Variants in FMNL2 observed in about 807,000 individuals in gnomAD.
FMNL2 encodes formin-like protein 2.
In FMNL2, 51 loss-of-function variants were observed where a neutral mutation model predicts 130.2. The observed-to-expected ratio is 0.39, with a 90% CI of 0.31 to 0.49. The LOEUF (loss-of-function observed/expected upper bound fraction) is 0.49, where lower values mean the gene tolerates loss of function less well. Among genes scored for constraint, FMNL2 ranks in the 20% least tolerant of loss-of-function variants. The pLI is 0.85. For missense variants in FMNL2, 977 were observed against 1,316.2 expected (o/e 0.74, Z 3.99); for synonymous variants, 465 against 467.1 (o/e 1.00, Z 0.06).
chr2:152,359,079 C>T lies in FMNL2; in HGVS notation c.117+23359C>T, dbSNP rs150767025. 2.9e-4 allele frequency among the ~76,000 whole-genome samples: 44 copies of T among 152,220 alleles called. 1 individual carries two copies. In the East Asian group the frequency reaches 3.7e-3, roughly 13 times the overall value. ...GATGTGAGTACTAACAGTGAGCTGCCATCTAGGAGCTTACAGTGTATTTCC... is the reference window on the plus strand; with the variant it reads ...GATGTGAGTACTAACAGTGAGCTGCTATCTAGGAGCTTACAGTGTATTTCC... On this transcript the variant is annotated intron_variant, in intron 1 of 25. Transcript: ENST00000288670.
At chr2:152,472,540 C>T (rs1246264548) in intron 1 of FMNL2, among the ~76,000 whole-genome samples, 1 of 152,186 alleles carries the variant, frequency 6.6e-6, no homozygotes, top group African/African-American at 2.4e-5. Flanking sequence ...TACAAACATC[C>T]TAATGCTTTG....
At chr2:152,459,866 G>C (rs1173267270) in intron 1 of FMNL2, among the ~76,000 whole-genome samples, 2 of 152,192 alleles carry the variant, frequency 1.3e-5, no homozygotes, top group Non-Finnish European at 2.9e-5. Context: ...AAAAACCCCA[G>C]ATGTTTCTGT....
At chr2:152,434,133 T>G (rs1207525501) in intron 1 of FMNL2, among the ~76,000 whole-genome samples, 1 of 152,196 alleles carries the variant, frequency 6.6e-6, no homozygotes, top group Non-Finnish European at 1.5e-5. Context: ...ACTCTTCAAA[T>G]TATTGAAAGT....
chr2:152,614,757 C>CAAAACAAAACAAAACAA, intron 11 of FMNL2, 94 bp from the exon 12 acceptor site: 2 of 1,393,530 alleles, frequency 1.4e-6, no homozygotes, highest in Non-Finnish European at 1.9e-6. Flanking sequence ...CAAAACAAAA[C>CAAAACAAAACAAAACAA]AAAACAAAAA....
At chr2:152,522,550 T>C (rs77769379) in intron 2 of FMNL2, among the ~76,000 whole-genome samples, 2 of 152,128 alleles carry the variant, frequency 1.3e-5, no homozygotes, top group East Asian at 1.9e-4. Context: ...TGGGAGGTAA[T>C]TGAATTATGG....
intron 1 of FMNL2, among the ~76,000 whole-genome samples, chr2:152,492,894 A>G (rs1412053233): frequency 1.3e-5 from 2 of 151,850 alleles, no homozygotes; most frequent in Non-Finnish European, 2.9e-5. Flanking sequence ...TTTTTCTTCT[A>G]TGTCACCTTG....
At chr2:152,417,945 A>G (rs1473030023) in intron 1 of FMNL2, among the ~76,000 whole-genome samples, 1 of 152,162 alleles carries the variant, frequency 6.6e-6, no homozygotes, top group East Asian at 1.9e-4. Flanking sequence ...TTCTGGGTTT[A>G]AGCAATTCTC....
intron 1 of FMNL2, among the ~76,000 whole-genome samples, chr2:152,434,684 C>G (rs1687660433): frequency 1.3e-5 from 2 of 151,788 alleles, no homozygotes; most frequent in African/African-American, 4.8e-5. Flanking sequence ...CCTGCTTGCC[C>G]CAGAGGGCTG....
chr2:152,609,726 A>G lies in FMNL2; in HGVS notation c.952-1769A>G, dbSNP rs150903020. Among the ~76,000 whole-genome samples the G allele has an allele frequency of 5.3e-5, 8 of 152,272 alleles. No individual in the cohort carries two copies. In the East Asian group the frequency reaches 1.5e-3, roughly 29 times the overall value. On this transcript the variant is annotated intron_variant, in intron 10 of 25. Coordinates refer to ENST00000288670, the MANE Select transcript of FMNL2 (RefSeq NM_052905.4). ...CATCTTCCAAAGATATCCAATGTAT[A>G]CCATATCTTCAAAGAAGAATCTAAC...
chr2:152,551,976 T>G (rs1253845748), intron 4 of FMNL2, among the ~76,000 whole-genome samples: 2 of 152,214 alleles, frequency 1.3e-5, no homozygotes, highest in Non-Finnish European at 2.9e-5. Context: ...ACTCTCTGAG[T>G]AACAGAGTGA....
chr2:152,403,444 G>T (rs1489984995), intron 1 of FMNL2, among the ~76,000 whole-genome samples: 1 of 152,010 alleles, frequency 6.6e-6, no homozygotes, highest in Non-Finnish European at 1.5e-5. Flanking sequence ...ACTCATGGAT[G>T]TTTTTATCCT....
In FMNL2 at chr2:152,619,075, G is replaced by T; in HGVS notation, c.1544G>T (p.Gly515Val). 5 of 1,613,370 alleles carry T rather than the reference G, an allele frequency of 3.1e-6. No homozygotes were observed. The South Asian group carries it at 5.5e-5, about 18-fold the overall frequency. The change falls in exon 14 of 26, where the codon GGA becomes GTA. Residue 515 changes from glycine (G) to valine (V), a missense_variant. This residue lies in a region of FMNL2 where 689 missense variants were observed against 995.9 expected (regional missense o/e 0.69). Transcript: ENST00000288670. ...GAAGTGGTAGCAGGTAACTCTGTGG[G>T]ACCCACAATGGGGGCCGCTTCCTCA... ...GSEVVAGNSVGPTMGAASSGP... is the reference protein window; with the variant it reads ...GSEVVAGNSVVPTMGAASSGP...
At chr2:152,558,886 G>T in intron 5 of FMNL2, 63 bp downstream of exon 5, 1 of 1,419,882 alleles carries the variant, frequency 7.0e-7, no homozygotes. Flanking sequence ...GCTACTCAGT[G>T]GTAAAATTAT....
At position 152,526,948 on chromosome 2, in the gene FMNL2, T is replaced by A. The variant is rs185689924; in HGVS notation, c.201+4922T>A. On this transcript the variant is annotated intron_variant, in intron 2 of 25. Transcript: ENST00000288670. ...TGTTGTCCAGTTTATTGTTCTCAATTTTCCTTAAGATGTTCTTCCTATCTA... is the reference window on the plus strand; with the variant it reads ...TGTTGTCCAGTTTATTGTTCTCAATATTCCTTAAGATGTTCTTCCTATCTA... Among the ~76,000 whole-genome samples, 11 of 152,266 alleles carry A rather than the reference T, an allele frequency of 7.2e-5. No homozygotes were observed. The East Asian group carries it at 2.1e-3, about 29-fold the overall frequency.
At chr2:152,617,230 T>G in intron 13 of FMNL2, 38 bp downstream of exon 13, 1 of 1,573,922 alleles carries the variant, frequency 6.4e-7, no homozygotes, top group Non-Finnish European at 8.7e-7. Context: ...ATGGGCACGG[T>G]AGGGAATGTA....
chr2:152,618,408 T>A (rs1487455048), intron 13 of FMNL2, among the ~76,000 whole-genome samples: 3 of 152,190 alleles, frequency 2.0e-5, no homozygotes, highest in Non-Finnish European at 2.9e-5. Context: ...AGATTTTTAA[T>A]CCCAGTCTGA....
chr2:152,608,039 C>T (rs922454523), intron 10 of FMNL2, among the ~76,000 whole-genome samples: 2 of 152,150 alleles, frequency 1.3e-5, no homozygotes, highest in Non-Finnish European at 2.9e-5. Flanking sequence ...TGAGTTGCAG[C>T]ACTTCTGCAT....
intron 2 of FMNL2, among the ~76,000 whole-genome samples, chr2:152,537,221 C>T (rs956239812): frequency 1.3e-5 from 2 of 152,176 alleles, no homozygotes; most frequent in African/African-American, 4.8e-5. Flanking sequence ...TTACTACACC[C>T]CTGTCACAGC....
chr2:152,490,223 A>G (rs928215302), intron 1 of FMNL2, among the ~76,000 whole-genome samples: 1 of 151,636 alleles, frequency 6.6e-6, no homozygotes, highest in African/African-American at 2.4e-5. Flanking sequence ...AGAAGTGAGC[A>G]TGAGGCCAGC....
Sources: gnomAD v4.1 joint callset for allele counts (sites outside exome capture counted in the v4.1 genomes callset) on GRCh38, gnomAD v4.1.1 for gene constraint, gnomAD v4.1.1 regional missense constraint, MANE v1.5 for transcripts, NCBI Gene and HGNC (gene_info 2026-07-23, HGNC 2026-07-21) for gene names.